The following FRMPD4 variants were observed in gnomAD, a reference collection of about 807,000 sequenced individuals.
FRMPD4 encodes FERM and PDZ domain containing 4.
A neutral mutation model predicts 94.1 loss-of-function variants in FRMPD4; 22 were observed. The ratio of observed to expected loss-of-function variants is 0.23; its 90% CI spans 0.17 to 0.33. FRMPD4 has a LOEUF of 0.33. Ranked by LOEUF, FRMPD4 falls within the 10% of genes least tolerant of loss-of-function variation. The pLI is 1.00. For synonymous variants in FRMPD4, 631 were observed against 548.6 expected (o/e 1.15, Z -2.10); for missense variants, 1,111 against 1,339.9 (o/e 0.83, Z 2.67).
At chrX:11,827,086 AAAATAT>A (rs1407592857) in intron 1 of FRMPD4, among the ~76,000 whole-genome samples, 3 of 84,615 alleles carry the variant, frequency 3.5e-5, no homozygotes, top group African/African-American at 1.4e-4. Flanking sequence ...ATATATATAT[AAAATAT>A]ATATGTTCTG....
At chrX:12,503,207 G>A (rs1210519647) in intron 2 of FRMPD4, among the ~76,000 whole-genome samples, 4 of 111,870 alleles carry the variant, frequency 3.6e-5, no homozygotes, top group African/African-American at 1.3e-4. Flanking sequence ...TGGGGATAGA[G>A]ATGGGGGTTG....
chrX:12,677,636 C>G (rs1198035183), intron 5 of FRMPD4, among the ~76,000 whole-genome samples: 1 of 111,849 alleles, frequency 8.9e-6, no homozygotes, highest in Non-Finnish European at 1.9e-5. Flanking sequence ...ATTTTAATTT[C>G]TTTTGCAACT....
intron 3 of FRMPD4, among the ~76,000 whole-genome samples, chrX:11,953,050 C>T (rs2054233939): frequency 9.0e-6 from 1 of 111,354 alleles, no homozygotes; most frequent in Non-Finnish European, 1.9e-5. Context: ...AAAGCTAGTG[C>T]AAAATCAATA....
chrX:12,106,669 C>A (rs745957751), intron 3 of FRMPD4, among the ~76,000 whole-genome samples: 1 of 111,689 alleles, frequency 9.0e-6, no homozygotes, highest in Non-Finnish European at 1.9e-5. Flanking sequence ...GAAGCAGTGA[C>A]AGAAGGCACT....
intron 1 of FRMPD4, among the ~76,000 whole-genome samples, chrX:12,319,516 A>G (rs2055176564): frequency 9.0e-6 from 1 of 111,574 alleles, no homozygotes; most frequent in Non-Finnish European, 1.9e-5. Context: ...ACACTCCGGT[A>G]AGGGAAGATA....
chrX:12,353,052 C>T (rs769075440), intron 1 of FRMPD4, among the ~76,000 whole-genome samples: 5 of 112,012 alleles, frequency 4.5e-5, no homozygotes, highest in African/African-American at 1.6e-4. Flanking sequence ...GTCGATAGCT[C>T]ATATGCCTGA....
intron 1 of FRMPD4, among the ~76,000 whole-genome samples, chrX:12,143,533 G>A (rs933046477): frequency 1.8e-5 from 2 of 111,754 alleles, no homozygotes; most frequent in South Asian, 3.8e-4. Flanking sequence ...TACAGAAAAA[G>A]TTAACTGACC....
chrX:12,119,336 C>T (rs1191794471), intron 3 of FRMPD4, among the ~76,000 whole-genome samples: 1 of 111,706 alleles, frequency 9.0e-6, no homozygotes, highest in South Asian at 3.8e-4. Context: ...ATTTCAGTGG[C>T]CCAGTTCACC....
chrX:12,433,370 G>A (rs7879644), intron 1 of FRMPD4, among the ~76,000 whole-genome samples: 2,038 of 112,162 alleles, frequency 0.018, 50 homozygotes, highest in African/African-American at 0.062. Context: ...AACTGAATTG[G>A]CCTCTTGCTG....
chrX:12,532,826 G>A (rs1408854205), intron 2 of FRMPD4, among the ~76,000 whole-genome samples: 1 of 111,880 alleles, frequency 8.9e-6, no homozygotes, highest in African/African-American at 3.2e-5. Flanking sequence ...TAAGTATCCT[G>A]CAGTACACAG....
At chrX:11,970,342 G>A (rs1264662611) in intron 3 of FRMPD4, among the ~76,000 whole-genome samples, 1 of 111,619 alleles carries the variant, frequency 9.0e-6, no homozygotes, top group African/African-American at 3.3e-5. Context: ...ACAACCATTA[G>A]ACCTACATTC....
intron 1 of FRMPD4, among the ~76,000 whole-genome samples, chrX:12,478,346 G>A (rs920069279): frequency 3.6e-5 from 4 of 111,636 alleles, no homozygotes; most frequent in African/African-American, 1.3e-4. Context: ...GGCCGAGGCA[G>A]GCAGATCGCA....
At chrX:12,386,660 G>T (rs1274608059) in intron 1 of FRMPD4, among the ~76,000 whole-genome samples, 1 of 111,968 alleles carries the variant, frequency 8.9e-6, no homozygotes, top group Non-Finnish European at 1.9e-5. Flanking sequence ...AGCAGTTCTT[G>T]TGTGTTTACC....
At chrX:12,699,479 TGGATACAGAGCGTGCAC>T (rs1216226483) in intron 9 of FRMPD4, among the ~76,000 whole-genome samples, 1 of 112,762 alleles carries the variant, frequency 8.9e-6, no homozygotes, top group Non-Finnish European at 1.9e-5. Flanking sequence ...CCATGGCACG[TGGATACAGAGCGTGCAC>T]GCACGGCACA....
At chrX:12,693,919 T>C (rs2060102217) in intron 8 of FRMPD4, among the ~76,000 whole-genome samples, 1 of 111,409 alleles carries the variant, frequency 9.0e-6, no homozygotes, top group Admixed American at 9.5e-5. Flanking sequence ...AATGAATGAC[T>C]CATCAGTGCT....
intron 3 of FRMPD4, among the ~76,000 whole-genome samples, chrX:12,076,374 GGA>G (rs1203790294): frequency 6.6e-5 from 7 of 106,682 alleles, no homozygotes; most frequent in Middle Eastern, 9.4e-3. Context: ...GTGTGTGTGT[GGA>G]GAGAGAGAGA....
intron 1 of FRMPD4, among the ~76,000 whole-genome samples, chrX:12,449,161 G>C (rs2057235468): frequency 8.9e-6 from 1 of 112,203 alleles, no homozygotes; most frequent in African/African-American, 3.2e-5. Flanking sequence ...TGCTCTCTGA[G>C]AAATTCTTTA....
intron 2 of FRMPD4, among the ~76,000 whole-genome samples, chrX:12,519,658 G>T (rs1281140802): frequency 1.8e-5 from 2 of 112,351 alleles, no homozygotes; most frequent in Non-Finnish European, 3.8e-5. Flanking sequence ...TCATATATCT[G>T]ATATGAGGTT....
intron 1 of FRMPD4, among the ~76,000 whole-genome samples, chrX:11,829,864 T>A (rs1475840611): frequency 8.9e-6 from 1 of 112,239 alleles, no homozygotes; most frequent in Non-Finnish European, 1.9e-5. Context: ...AATTTATAAA[T>A]TTCTGTTTAA....
Sources: allele counts gnomAD v4.1 joint callset (sites outside exome capture counted in the v4.1 genomes callset), GRCh38; gene constraint gnomAD v4.1.1; transcripts MANE v1.5; gene names NCBI Gene and HGNC (gene_info 2026-07-23, HGNC 2026-07-21).